The following DPP6 variants were observed in gnomAD, a reference collection of about 807,000 sequenced individuals.
DPP6 encodes A-type potassium channel modulatory protein DPP6.
Under a neutral mutation model 122.6 loss-of-function variants are expected in DPP6, and 69 were observed. The ratio of observed to expected loss-of-function variants is 0.56; its 90% confidence interval spans 0.46 to 0.69. DPP6 has a LOEUF of 0.69. Among genes scored for constraint, DPP6 ranks in the 30% least tolerant of loss-of-function variants. The probability of loss-of-function intolerance (pLI) is 0.00; values close to 1 mark genes in which losing one functional copy is unlikely to be tolerated. For missense variants in DPP6, 928 were observed against 1,116.9 expected (o/e 0.83, Z 2.41); for synonymous variants, 418 against 433.1 (o/e 0.97, Z 0.43).
intron 6 of DPP6, among the ~76,000 whole-genome samples, chr7:154,664,178 T>C (rs1837987328): frequency 1.3e-5 from 2 of 151,784 alleles, no homozygotes; most frequent in Admixed American, 6.6e-5. Flanking sequence ...CACTATGGCA[T>C]ATTGGCGCTA....
At chr7:154,779,123 ACTATCACCG>A (rs1384243209) in intron 10 of DPP6, among the ~76,000 whole-genome samples, 2 of 120,706 alleles carry the variant, frequency 1.7e-5, no homozygotes, top group African/African-American at 6.7e-5. Context: ...CATCACCACC[ACTATCACCG>A]CTATCACCAC....
intron 1 of DPP6, among the ~76,000 whole-genome samples, chr7:154,346,481 A>G (rs1810407053): frequency 6.6e-6 from 1 of 151,970 alleles, no homozygotes; most frequent in Non-Finnish European, 1.5e-5. Flanking sequence ...TAATTTTTGT[A>G]TTTTTATTAG....
intron 2 of DPP6, among the ~76,000 whole-genome samples, chr7:154,450,602 G>A (rs372120796): frequency 3.3e-5 from 5 of 152,180 alleles, no homozygotes; most frequent in Non-Finnish European, 5.9e-5. Context: ...CTGCGTGAGC[G>A]AGCTTCGTGA....
intron 1 of DPP6, among the ~76,000 whole-genome samples, chr7:154,393,986 T>C (rs141353600): frequency 1.2e-4 from 19 of 152,284 alleles, no homozygotes; most frequent in African/African-American, 4.1e-4. Flanking sequence ...TTTCCCTCAA[T>C]TTTTAGTCTG....
At chr7:154,044,126 G>A (rs992683806) in intron 1 of DPP6, among the ~76,000 whole-genome samples, 1 of 152,102 alleles carries the variant, frequency 6.6e-6, no homozygotes, top group African/African-American at 2.4e-5. Context: ...TGTGACTGGT[G>A]GATTTATTTA....
At chr7:154,740,761 G>A (rs1199468556) in intron 8 of DPP6, among the ~76,000 whole-genome samples, 10 of 152,136 alleles carry the variant, frequency 6.6e-5, no homozygotes, top group East Asian at 5.8e-4. Flanking sequence ...TGGGTATCTC[G>A]GCCTTTTTGT....
At chr7:153,931,643 CT>C (rs1262086014) in intron 1 of DPP6, among the ~76,000 whole-genome samples, 1 of 152,242 alleles carries the variant, frequency 6.6e-6, no homozygotes, top group Non-Finnish European at 1.5e-5. Context: ...ACAGCCCTTT[CT>C]TTGAGCACTT....
chr7:154,232,858 A>G (rs1800995115), intron 1 of DPP6, among the ~76,000 whole-genome samples: 1 of 152,182 alleles, frequency 6.6e-6, no homozygotes, highest in African/African-American at 2.4e-5. Context: ...AATGACATAC[A>G]ATGCGGGAGG....
chr7:154,311,588 T>C (rs1490480225), intron 1 of DPP6, among the ~76,000 whole-genome samples: 1 of 152,158 alleles, frequency 6.6e-6, no homozygotes, highest in African/African-American at 2.4e-5. Flanking sequence ...GTGGCTGATA[T>C]CCTAAAGTCC....
chr7:154,696,048 G>A (rs1021903413), intron 7 of DPP6, among the ~76,000 whole-genome samples: 3 of 152,186 alleles, frequency 2.0e-5, no homozygotes, highest in South Asian at 2.1e-4. Flanking sequence ...ATCGGCCCCC[G>A]GGGCCCCTGT....
chr7:154,635,104 A>G (rs1027685290), intron 5 of DPP6, among the ~76,000 whole-genome samples: 1 of 152,176 alleles, frequency 6.6e-6, no homozygotes, highest in Non-Finnish European at 1.5e-5. Context: ...AGAGAGAGAC[A>G]GAACTCAGGT....
At chr7:154,355,390 A>G (rs894693970) in intron 1 of DPP6, among the ~76,000 whole-genome samples, 3 of 152,208 alleles carry the variant, frequency 2.0e-5, no homozygotes, top group African/African-American at 7.2e-5. Flanking sequence ...AATTTTGATG[A>G]AGTCTAATTT....
Position 154,727,903 on chromosome 7 carries a change from A to G in DPP6, c.883+16A>G. The G allele has an allele frequency of 6.4e-7, 1 of 1,566,482 alleles. No homozygotes were observed. The highest frequency in any genetic ancestry group is 1.4e-5 in the African/African-American group (1 of 73,452). Reference sequence around the variant, plus strand: ...CTGTATGAAGGTAAGATGTGCACAGAGAGAAAAAAGGAAGATTTGTGGTTG... The same window carrying G: ...CTGTATGAAGGTAAGATGTGCACAGGGAGAAAAAAGGAAGATTTGTGGTTG... On this transcript the variant is annotated intron_variant, in intron 8 of 25. Transcript: ENST00000377770.
At chr7:154,805,895 T>G (rs1294153757) in intron 15 of DPP6, among the ~76,000 whole-genome samples, 1 of 152,216 alleles carries the variant, frequency 6.6e-6, no homozygotes, top group Non-Finnish European at 1.5e-5. Context: ...CCTGGGCCGC[T>G]GAAGAGGATG....
chr7:154,203,101 T>C (rs1799255751), intron 1 of DPP6, among the ~76,000 whole-genome samples: 1 of 152,112 alleles, frequency 6.6e-6, no homozygotes, highest in South Asian at 2.1e-4. Context: ...TCCCACTCAC[T>C]TGAAAATGGG....
intron 1 of DPP6, among the ~76,000 whole-genome samples, chr7:154,121,951 G>A (rs1807505238): frequency 6.6e-6 from 1 of 152,044 alleles, no homozygotes; most frequent in Non-Finnish European, 1.5e-5. Context: ...CATCATCCTA[G>A]GGACCTTTCA....
At chr7:154,799,869 A>G (rs1167886056) in intron 12 of DPP6, among the ~76,000 whole-genome samples, 1 of 152,216 alleles carries the variant, frequency 6.6e-6, no homozygotes, top group African/African-American at 2.4e-5. Flanking sequence ...TACATTTACC[A>G]CATGAGAAAC....
chr7:154,328,272 GC>G (rs1352107653), intron 1 of DPP6, among the ~76,000 whole-genome samples: 4 of 152,196 alleles, frequency 2.6e-5, no homozygotes, highest in African/African-American at 9.7e-5. Context: ...ATAGTCCAGC[GC>G]TGGAGGCACA....
intron 8 of DPP6, among the ~76,000 whole-genome samples, chr7:154,730,227 T>A (rs1345378130): frequency 6.6e-6 from 1 of 152,164 alleles, no homozygotes; most frequent in East Asian, 1.9e-4. Flanking sequence ...GGGTGTGAGA[T>A]CAGCTCAATA....
Sources: gnomAD v4.1 joint callset for allele counts (sites outside exome capture counted in the v4.1 genomes callset) on GRCh38, gnomAD v4.1.1 for gene constraint, MANE v1.5 for transcripts, NCBI Gene and HGNC (gene_info 2026-07-23, HGNC 2026-07-21) for gene names.